EIF4E2: variants seen among roughly 807,000 people sequenced by gnomAD.
EIF4E2 encodes the protein eukaryotic translation initiation factor 4E family member 2, also known as eukaryotic translation initiation factor 4E type 2.
Under a neutral mutation model 34.2 loss-of-function variants are expected in EIF4E2, and 13 were observed. That is an observed-to-expected ratio of 0.38 (90% CI 0.25 to 0.60). The LOEUF is 0.60. Among genes scored for constraint, EIF4E2 ranks in the 20% least tolerant of loss-of-function variants. EIF4E2 has a pLI of 0.62. For synonymous variants in EIF4E2, 100 were observed against 106.6 expected (o/e 0.94, Z 0.38); for missense variants, 222 against 315.1 (o/e 0.70, Z 2.24).
At chr2:232,577,112 CTG>C (rs1255347563) in intron 6 of EIF4E2, among the ~76,000 whole-genome samples, 1 of 152,096 alleles carries the variant, frequency 6.6e-6, no homozygotes, top group African/African-American at 2.4e-5. Context: ...AGCAGTGAGT[CTG>C]TATTGTTGGG....
chr2:232,550,872 AC>A (rs1186088628), intron 1 of EIF4E2, 128 bp downstream of exon 1: 2 of 981,096 alleles, frequency 2.0e-6, no homozygotes, highest in Admixed American at 6.0e-5. Context: ...CTGCGGCCGG[AC>A]CTGGCCTGGA....
In EIF4E2 at chr2:232,566,692, G is replaced by GT; in HGVS notation, c.376-132dup. On this transcript the variant is annotated intron_variant, in intron 4 of 6. Coordinates refer to ENST00000258416, the MANE Select transcript of EIF4E2 (RefSeq NM_004846.4). The surrounding 1 kb of genome is among the most constrained non-coding windows in gnomAD (Gnocchi z 4.9). ...TCTTCTCTCCCTAGTCCTACCATCA[G>GT]TTTTTCTATAGAGTTGAATAATTGG... 1.0e-6 allele frequency: 1 copy of GT among 1,003,758 alleles called. No homozygotes were observed. The highest frequency in any genetic ancestry group is 1.4e-6 in the Non-Finnish European group (1 of 698,362). 62.2% of individuals were successfully genotyped at this position (1,003,758 alleles called of 1,614,324 possible).
At chr2:232,565,666 T>C (rs1246590822) in intron 4 of EIF4E2, among the ~76,000 whole-genome samples, 2 of 152,028 alleles carry the variant, frequency 1.3e-5, no homozygotes, top group Non-Finnish European at 2.9e-5. Flanking sequence ...GACCCACTTC[T>C]TGACTGTTTC....
rs562101287 is a variant in EIF4E2, at chr2:232,566,337, C to T, written c.376-492C>T. 6.6e-6 allele frequency among the ~76,000 whole-genome samples: 1 copy of T among 152,250 alleles called. No homozygotes were observed. Among genetic ancestry groups the T allele is most frequent in the South Asian group, 2.1e-4 (1 of 4,820 alleles). On this transcript the variant is annotated intron_variant, in intron 4 of 6. Coordinates refer to ENST00000258416, the MANE Select transcript of EIF4E2 (RefSeq NM_004846.4). The surrounding 1 kb of genome is among the most constrained non-coding windows in gnomAD (Gnocchi z 4.9). Reference sequence around the variant, plus strand: ...GAGTAGCTGGGACTACAGGCGCCCACCACCATGCCCGGCTAATTTTGTTTT... The same window carrying T: ...GAGTAGCTGGGACTACAGGCGCCCATCACCATGCCCGGCTAATTTTGTTTT...
intron 3 of EIF4E2, among the ~76,000 whole-genome samples, chr2:232,561,159 C>T (rs1433722568): frequency 6.6e-6 from 1 of 152,016 alleles, no homozygotes; most frequent in Non-Finnish European, 1.5e-5. Context: ...TTTGGCCAGG[C>T]CTGGTAGCTC....
At chr2:232,557,296 A>G (rs1209661469) in intron 2 of EIF4E2, among the ~76,000 whole-genome samples, 1 of 147,420 alleles carries the variant, frequency 6.8e-6, no homozygotes, top group East Asian at 2.0e-4. Flanking sequence ...TTATTCTACA[A>G]TATTGAGTAA....
chr2:232,554,854 A>G (rs960772274), intron 1 of EIF4E2, among the ~76,000 whole-genome samples: 8 of 152,112 alleles, frequency 5.3e-5, no homozygotes, highest in African/African-American at 1.7e-4. Context: ...ATGATCTTTC[A>G]TCTCCTGGAT....
chr2:232,582,923 T>C (rs1693393313), exon 7 of EIF4E2: 1 of 152,348 alleles, frequency 6.6e-6, no homozygotes. Flanking sequence ...AAAAACATAC[T>C]GGCCCTAGGC....
intron 3 of EIF4E2, among the ~76,000 whole-genome samples, chr2:232,563,498 C>T (rs937113184): frequency 2.6e-5 from 4 of 151,684 alleles, no homozygotes; most frequent in African/African-American, 7.3e-5. Context: ...ATCTAGTTTT[C>T]TCACGGGATT....
intron 3 of EIF4E2, among the ~76,000 whole-genome samples, chr2:232,562,325 A>G (rs1692753625): frequency 6.6e-6 from 1 of 152,160 alleles, no homozygotes; most frequent in Admixed American, 6.5e-5. Flanking sequence ...TCACGCCTGT[A>G]ATCACAACAC....
At position 232,581,716 on chromosome 2, in the gene EIF4E2, T is replaced by C. The variant is rs1456738461; in HGVS notation, c.*773T>C. 6.5e-6 allele frequency: 1 copy of C among 154,020 alleles called. No individual in the cohort carries two copies. Among genetic ancestry groups the C allele is most frequent in the Non-Finnish European group, 1.4e-5 (1 of 69,442 alleles). The allele number at this position is 154,020 out of a possible 1,614,324, so 9.5% of individuals were successfully genotyped here. On this transcript the variant is annotated 3_prime_UTR_variant, in exon 7 of 7. Coordinates refer to the EIF4E2 transcript ENST00000409098. The surrounding 1 kb of genome is among the most constrained non-coding windows in gnomAD (Gnocchi z 5.2). ...AGGTTCCAAGTACAGAATTTGGAGCTAAGGACTGTGACTGAAATCATTTTC... is the reference window on the plus strand; with the variant it reads ...AGGTTCCAAGTACAGAATTTGGAGCCAAGGACTGTGACTGAAATCATTTTC...
At position 232,550,755 on chromosome 2, in the gene EIF4E2, C is replaced by T; in HGVS notation, c.20+11C>T. The T allele has an allele frequency of 1.3e-6, 2 of 1,568,560 alleles. No homozygotes were observed. The highest frequency in any genetic ancestry group is 1.7e-6 in the Non-Finnish European group (2 of 1,159,656). On this transcript the variant is annotated intron_variant, in intron 1 of 6. Transcript: ENST00000258416. ...CAACAAGTTCGACGCGTGAGTGGCT[C>T]GTGGCCGCCCCCGGGGCCCCTTCCC...
chr2:232,564,684 C>T (rs1481353015), intron 4 of EIF4E2, among the ~76,000 whole-genome samples: 2 of 152,192 alleles, frequency 1.3e-5, no homozygotes, highest in Non-Finnish European at 2.9e-5. Flanking sequence ...ATCTCCTGAC[C>T]TCGTGATCCG....
chr2:232,564,451 A>C, intron 4 of EIF4E2, 100 bp downstream of exon 4: 1 of 597,610 alleles, frequency 1.7e-6, no homozygotes, highest in Non-Finnish European at 2.8e-6. Flanking sequence ...ATTTTATTTT[A>C]TTTTATTTTA....
intron 3 of EIF4E2, chr2:232,558,292 T>A (rs1301203185): frequency 4.0e-6 from 1 of 247,996 alleles, no homozygotes; most frequent in Non-Finnish European, 7.7e-6. Context: ...TTATTTTTAT[T>A]TTTTAATTGA....
In EIF4E2 at chr2:232,557,893, C is replaced by T; in HGVS notation, c.145C>T (p.Pro49Ser). 6 of 1,613,366 alleles carry T rather than the reference C, an allele frequency of 3.7e-6. No individual in the cohort carries two copies. Among genetic ancestry groups the T allele is most frequent in the Non-Finnish European group, 5.1e-6 (6 of 1,179,860 alleles). The change falls in exon 3 of 7, where the codon CCT becomes TCT. Residue 49 changes from proline to serine, a missense_variant. Physicochemically the swap from Pro to Ser is moderately conservative, Grantham distance 74. This residue lies in a region of EIF4E2 where 87 missense variants were observed against 93.6 expected (regional missense o/e 0.93). Coordinates refer to ENST00000258416, the MANE Select transcript of EIF4E2 (RefSeq NM_004846.4). ...CTTCTTTACTTCCCAGGCTGTTGTC[C>T]CTGGACCGGCAGAGCATCCCCTGCA... ...QSSSKRKAVVPGPAEHPLQYN... is the reference protein window; with the variant it reads ...QSSSKRKAVVSGPAEHPLQYN...
chr2:232,571,334 A>G (rs1397889191), downstream of EIF4E2, among the ~76,000 whole-genome samples: 1 of 152,216 alleles, frequency 6.6e-6, no homozygotes, highest in Non-Finnish European at 1.5e-5. Context: ...CTCAGGTCAT[A>G]GCTCCTTTTA....
chr2:232,557,706 C>T, intron 2 of EIF4E2, 178 bp from the exon 3 acceptor site: 1 of 690,788 alleles, frequency 1.4e-6, no homozygotes, highest in Admixed American at 2.6e-5. Flanking sequence ...AATTTAGAAT[C>T]AGTTAACCAC....
chr2:232,583,174 A>G (rs1298033239), exon 7 of EIF4E2: 1 of 152,228 alleles, frequency 6.6e-6, no homozygotes, highest in African/African-American at 2.4e-5. Context: ...ATAAAGGTCT[A>G]CCAGGGCCAA....
Sources: gnomAD v4.1 joint callset for allele counts (sites outside exome capture counted in the v4.1 genomes callset) on GRCh38, gnomAD v4.1.1 for gene constraint, gnomAD v4.1.1 regional missense constraint, Gnocchi (gnomAD v3.1) non-coding constraint, MANE v1.5 for transcripts, NCBI Gene and HGNC (gene_info 2026-07-23, HGNC 2026-07-21) for gene names.